Variants in ATAD1 observed in about 807,000 individuals in gnomAD.
ATAD1 encodes the protein ATPase family AAA domain containing 1, also known as outer mitochondrial transmembrane helix translocase.
ATAD1 carries 18 observed loss-of-function variants against 42.7 expected under a neutral mutation model. The ratio of observed to expected loss-of-function variants is 0.42; its 90% confidence interval spans 0.29 to 0.63. The LOEUF is 0.63. ATAD1 is among the 20% of genes least tolerant of loss of function. The probability of loss-of-function intolerance (pLI) is 0.19; values close to 1 mark genes in which losing one functional copy is unlikely to be tolerated. For synonymous variants in ATAD1, 132 were observed against 143.1 expected (o/e 0.92, Z 0.55); for missense variants, 294 against 440.4 (o/e 0.67, Z 2.98).
At chr10:87,769,718 G>A (rs923350405) in intron 7 of ATAD1, among the ~76,000 whole-genome samples, 1 of 152,128 alleles carries the variant, frequency 6.6e-6, no homozygotes, top group Admixed American at 6.5e-5. Context: ...GGCTGAGGCA[G>A]GCATATCATC....
At chr10:87,763,583 G>A (rs1049566987) in intron 8 of ATAD1, among the ~76,000 whole-genome samples, 1 of 152,134 alleles carries the variant, frequency 6.6e-6, no homozygotes, top group Non-Finnish European at 1.5e-5. Flanking sequence ...TGAGGTGGGA[G>A]GATCACTTGA....
chr10:87,777,910 T>G (rs1855381363), intron 5 of ATAD1, among the ~76,000 whole-genome samples: 1 of 152,122 alleles, frequency 6.6e-6, no homozygotes, highest in Non-Finnish European at 1.5e-5. Context: ...TTCTGTAAAA[T>G]CTGTCCTATC....
At chr10:87,798,891 A>G (rs543228224) in intron 2 of ATAD1, among the ~76,000 whole-genome samples, 17 of 152,118 alleles carry the variant, frequency 1.1e-4, no homozygotes, top group Non-Finnish European at 2.1e-4. Flanking sequence ...GTAGGAAAAT[A>G]AAATTTTTAT....
At position 87,818,120 on chromosome 10, in the gene ATAD1, G is replaced by C. The variant is rs925590064; in HGVS notation, c.-14+47C>G. 1.8e-5 allele frequency: 18 copies of C among 985,580 alleles called. No homozygotes were observed. In the African/African-American group the frequency reaches 2.1e-4, roughly 11 times the overall value. 61.1% of individuals were successfully genotyped at this position (985,580 alleles called of 1,614,324 possible). A position where few individuals can be genotyped will look rare whatever the true frequency, so the allele number is the denominator to read the frequency against. ...AGACGGTCCTTAAAGGACCTCAGAAGGATACGACAACCATCCCATGAGGCC... is the reference window on the plus strand; with the variant it reads ...AGACGGTCCTTAAAGGACCTCAGAACGATACGACAACCATCCCATGAGGCC... On this transcript the variant is annotated intron_variant, in intron 1 of 9. Transcript: ENST00000680024.
chr10:87,767,459 C>T (rs1194937338), intron 8 of ATAD1, among the ~76,000 whole-genome samples: 1 of 152,178 alleles, frequency 6.6e-6, no homozygotes, highest in Non-Finnish European at 1.5e-5. Flanking sequence ...AGTGCCGCTG[C>T]TGATGTGACA....
At chr10:87,801,324 AATT>A in intron 2 of ATAD1, among the ~76,000 whole-genome samples, 1 of 152,292 alleles carries the variant, frequency 6.6e-6, no homozygotes, top group Admixed American at 6.5e-5. Context: ...TCAAATGATA[AATT>A]ATGTCTTTTT....
intron 4 of ATAD1, among the ~76,000 whole-genome samples, chr10:87,786,773 G>A (rs1332320705): frequency 1.3e-5 from 2 of 152,218 alleles, no homozygotes; most frequent in South Asian, 2.1e-4. Flanking sequence ...TGGCTAATAC[G>A]GTGAAACCCC....
intron 2 of ATAD1, among the ~76,000 whole-genome samples, chr10:87,797,023 C>G (rs1235148610): frequency 2.6e-5 from 4 of 152,126 alleles, no homozygotes; most frequent in Non-Finnish European, 2.9e-5. Flanking sequence ...ATGAGTTTGA[C>G]TTTTTTCCTG....
chr10:87,776,208 T>C (rs1336263532), intron 6 of ATAD1, 113 bp downstream of exon 6: 3 of 730,834 alleles, frequency 4.1e-6, no homozygotes, highest in Admixed American at 4.8e-5. Flanking sequence ...TAGTCATAAG[T>C]GTAAATAATT....
chr10:87,770,831 C>T lies in ATAD1; in HGVS notation c.780+121G>A, dbSNP rs149248990. 137 of 710,802 alleles carry T rather than the reference C, an allele frequency of 1.9e-4. 1 individual carries two copies. Among genetic ancestry groups the T allele is most frequent in the Admixed American group, 3.4e-4 (12 of 34,918 alleles). 44.0% of individuals were successfully genotyped at this position (710,802 alleles called of 1,614,324 possible). ...AGAAGCTACTGTCAGGGTTTCTGCC[C>T]CATTCCTTCCCTGTCATAAGCACCC... On this transcript the variant is annotated intron_variant, in intron 7 of 9. Transcript: ENST00000680024.
upstream of ATAD1, chr10:87,818,244 T>C (rs944535058): frequency 2.0e-6 from 2 of 985,358 alleles, no homozygotes; most frequent in Admixed American, 6.1e-5. Flanking sequence ...GAGAGAACGC[T>C]TCCGGCGGGA....
chr10:87,825,732 C>T (rs1444999542), intron 1 of ATAD1, among the ~76,000 whole-genome samples: 4 of 150,836 alleles, frequency 2.7e-5, no homozygotes, highest in South Asian at 2.1e-4. Context: ...GACAGGGTCT[C>T]GCTCTGTTGC....
intron 1 of ATAD1, among the ~76,000 whole-genome samples, chr10:87,837,529 A>G (rs1857951422): frequency 6.6e-6 from 1 of 152,172 alleles, no homozygotes; most frequent in South Asian, 2.1e-4. Flanking sequence ...GATCAGATCC[A>G]TCCTTGTGCA....
At chr10:87,759,638 G>C (rs927310823) in intron 8 of ATAD1, 6 of 348,730 alleles carry the variant, frequency 1.7e-5, no homozygotes, top group African/African-American at 1.3e-4. Flanking sequence ...CCAAGTATAA[G>C]AAAACAAAGA....
chr10:87,755,199 T>C (rs979700280), intron 9 of ATAD1, among the ~76,000 whole-genome samples: 1 of 152,226 alleles, frequency 6.6e-6, no homozygotes, highest in Non-Finnish European at 1.5e-5. Flanking sequence ...GTTATTCCCA[T>C]GAAAACTGTA....
intron 5 of ATAD1, 103 bp downstream of exon 5, chr10:87,784,364 CTTT>C: frequency 9.4e-7 from 1 of 1,062,972 alleles, no homozygotes. Context: ...TGGTTATGTT[CTTT>C]GTTTTATTAA....
At chr10:87,768,341 T>C (rs1435401953) in intron 7 of ATAD1, among the ~76,000 whole-genome samples, 1 of 152,190 alleles carries the variant, frequency 6.6e-6, no homozygotes, top group East Asian at 1.9e-4. Context: ...AAAACTATCA[T>C]GGCTGAATTT....
At chr10:87,819,720 G>A (rs1857591342), upstream of ATAD1, among the ~76,000 whole-genome samples, 1 of 152,106 alleles carries the variant, frequency 6.6e-6, no homozygotes, top group Admixed American at 6.6e-5. Context: ...AATTTCATTG[G>A]AACATAGGTC....
chr10:87,763,080 CAAAAAAAAAAA>C (rs71019501), intron 8 of ATAD1, among the ~76,000 whole-genome samples: 3 of 26,530 alleles, frequency 1.1e-4, no homozygotes, highest in East Asian at 1.3e-3. Flanking sequence ...GACTCTGTCA[CAAAAAAAAAAA>C]AAAAAAAAAA....
Sources: gnomAD v4.1 joint callset for allele counts (sites outside exome capture counted in the v4.1 genomes callset) on GRCh38, gnomAD v4.1.1 for gene constraint, MANE v1.5 for transcripts, NCBI Gene and HGNC (gene_info 2026-07-23, HGNC 2026-07-21) for gene names.